The following RBFOX1 variants were observed in gnomAD, a reference collection of about 807,000 sequenced individuals.
The protein encoded by RBFOX1 is RNA binding fox-1 homolog 1.
Under a neutral mutation model 57.7 loss-of-function variants are expected in RBFOX1, and 8 were observed. That is an observed-to-expected ratio of 0.14 (90% CI 0.08 to 0.25). RBFOX1 has a LOEUF of 0.25. Ranked by LOEUF, RBFOX1 falls within the 10% of genes least tolerant of loss-of-function variation. RBFOX1 has a pLI of 1.00. For missense variants in RBFOX1, 611 were observed against 548.5 expected, an observed-to-expected ratio of 1.11 and a Z score of -1.14; for synonymous variants, 326 against 222.4, an observed-to-expected ratio of 1.47 and a Z score of -4.15.
intron 4 of RBFOX1, among the ~76,000 whole-genome samples, chr16:7,146,170 G>T (rs1168397345): frequency 6.6e-6 from 1 of 152,106 alleles, no homozygotes; most frequent in East Asian, 1.9e-4. Context: ...CCCAGAGCAT[G>T]AACTGTTTGG....
chr16:7,452,305 A>C (rs939520665), intron 4 of RBFOX1, among the ~76,000 whole-genome samples: 4 of 152,212 alleles, frequency 2.6e-5, no homozygotes, highest in Non-Finnish European at 5.9e-5. Flanking sequence ...AAAATACATC[A>C]TTGGAGAATG....
At chr16:7,612,428 G>C (rs1041784618) in intron 10 of RBFOX1, among the ~76,000 whole-genome samples, 2 of 150,512 alleles carry the variant, frequency 1.3e-5, no homozygotes, top group East Asian at 2.0e-4. Context: ...CCCTTCTTTA[G>C]AGTTTAAGTA....
chr16:7,265,931 CAGTG>C, intron 4 of RBFOX1, among the ~76,000 whole-genome samples: 1 of 145,132 alleles, frequency 6.9e-6, no homozygotes, highest in African/African-American at 2.6e-5. Flanking sequence ...GTCTTCACGA[CAGTG>C]AGTGAGTTAT....
rs78780129 is a variant in RBFOX1, at chr16:6,866,633, C to G, written c.-15-185424C>G. Among the ~76,000 whole-genome samples, 168 of 144,240 alleles carry G rather than the reference C, an allele frequency of 1.2e-3. 1 individual carries two copies. The highest frequency in any genetic ancestry group is 4.1e-3 in the African/African-American group (156 of 38,510). The allele number at this position is 144,240 out of a possible 152,430, so 94.6% of individuals were successfully genotyped here. A position where few individuals can be genotyped will look rare whatever the true frequency, so the allele number is the denominator to read the frequency against. On this transcript the variant is annotated intron_variant, in intron 3 of 15. Coordinates refer to ENST00000550418, the MANE Select transcript of RBFOX1 (RefSeq NM_018723.4). ...CTCGGCTCACTGCAAGCTCCGCCTC[C>G]CCGGTTCACGCCATTCTCCTGCCTC...
chr16:5,568,360 C>T (rs1405470256), intron 2 of RBFOX1, among the ~76,000 whole-genome samples: 6 of 152,204 alleles, frequency 3.9e-5, no homozygotes, highest in African/African-American at 1.4e-4. Flanking sequence ...TCCTCCTCTT[C>T]CCTCCTTGCT....
intron 4 of RBFOX1, among the ~76,000 whole-genome samples, chr16:7,109,423 C>T (rs1247726729): frequency 6.6e-6 from 1 of 152,076 alleles, no homozygotes; most frequent in Admixed American, 6.6e-5. Flanking sequence ...AACCCTAAGG[C>T]AATTTGGAGC....
At chr16:5,873,966 A>T (rs572056078) in intron 4 of RBFOX1, among the ~76,000 whole-genome samples, 1 of 152,228 alleles carries the variant, frequency 6.6e-6, no homozygotes, top group East Asian at 1.9e-4. Context: ...GTGAAAAGTA[A>T]GTGTGGAAAC....
intron 2 of RBFOX1, among the ~76,000 whole-genome samples, chr16:5,586,982 C>T (rs138531969): frequency 6.6e-6 from 1 of 152,254 alleles, no homozygotes; most frequent in Non-Finnish European, 1.5e-5. Flanking sequence ...CTGTGCTGCC[C>T]AGATGCCCTT....
At chr16:6,973,669 C>T (rs147120479) in intron 3 of RBFOX1, among the ~76,000 whole-genome samples, 2 of 151,966 alleles carry the variant, frequency 1.3e-5, no homozygotes, top group South Asian at 2.1e-4. Context: ...GAAAAATAAA[C>T]CCATTTGGGA....
chr16:7,433,155 C>A (rs1380348668), intron 4 of RBFOX1, among the ~76,000 whole-genome samples: 2 of 152,148 alleles, frequency 1.3e-5, no homozygotes, highest in South Asian at 2.1e-4. Flanking sequence ...GCTGATCCTC[C>A]CTTCTTTCCT....
At chr16:5,411,346 C>T (rs74319965) in intron 1 of RBFOX1, among the ~76,000 whole-genome samples, 2 of 152,094 alleles carry the variant, frequency 1.3e-5, no homozygotes, top group African/African-American at 2.4e-5. Flanking sequence ...GAGTCAGAGT[C>T]TGAATGGAGG....
At chr16:6,232,655 G>T (rs926338529) in intron 1 of RBFOX1, among the ~76,000 whole-genome samples, 17 of 152,206 alleles carry the variant, frequency 1.1e-4, no homozygotes, top group African/African-American at 3.9e-4. Context: ...AGAGGAGGAA[G>T]ATCGGAGTCC....
intron 2 of RBFOX1, among the ~76,000 whole-genome samples, chr16:6,413,505 T>A (rs904284602): frequency 2.0e-5 from 3 of 152,066 alleles, no homozygotes; most frequent in Non-Finnish European, 1.5e-5. Context: ...CAGTGAAATT[T>A]TTAGTCGGCT....
intron 2 of RBFOX1, among the ~76,000 whole-genome samples, chr16:5,595,459 G>C (rs1452866832): frequency 2.0e-5 from 3 of 152,164 alleles, no homozygotes; most frequent in African/African-American, 7.2e-5. Context: ...GGAAAATGAG[G>C]GAGCAGAACT....
chr16:6,246,637 G>T (rs1332290948), intron 1 of RBFOX1, among the ~76,000 whole-genome samples: 1 of 152,166 alleles, frequency 6.6e-6, no homozygotes, highest in East Asian at 1.9e-4. Flanking sequence ...GAGAAAATAT[G>T]CCAGGATGCA....
chr16:7,411,472 G>C (rs2098424455), intron 4 of RBFOX1, among the ~76,000 whole-genome samples: 1 of 152,152 alleles, frequency 6.6e-6, no homozygotes, highest in Non-Finnish European at 1.5e-5. Flanking sequence ...ACATGAAAAT[G>C]GGAAGTACTG....
At chr16:5,696,113 T>G (rs1162208559) in intron 3 of RBFOX1, among the ~76,000 whole-genome samples, 3 of 152,214 alleles carry the variant, frequency 2.0e-5, no homozygotes, top group South Asian at 2.1e-4. Flanking sequence ...GAACCTCCTG[T>G]AGTCACCTTT....
At chr16:5,985,796 A>T (rs1428311314) in intron 4 of RBFOX1, among the ~76,000 whole-genome samples, 1 of 152,150 alleles carries the variant, frequency 6.6e-6, no homozygotes, top group African/African-American at 2.4e-5. Context: ...GATGGAGAAA[A>T]TGAAACATCT....
chr16:6,331,190 C>A (rs767612136), intron 2 of RBFOX1, among the ~76,000 whole-genome samples: 1 of 152,144 alleles, frequency 6.6e-6, no homozygotes, highest in South Asian at 2.1e-4. Context: ...GTGGTTCACA[C>A]GTGTAATCCC....
Sources: allele counts gnomAD v4.1 joint callset (sites outside exome capture counted in the v4.1 genomes callset), GRCh38; gene constraint gnomAD v4.1.1; transcripts MANE v1.5; gene names NCBI Gene and HGNC (gene_info 2026-07-23, HGNC 2026-07-21).